The following GPD2 variants were observed in gnomAD, a reference collection of about 807,000 sequenced individuals.
GPD2 encodes glycerol-3-phosphate dehydrogenase, mitochondrial.
Under a neutral mutation model 82.4 loss-of-function variants are expected in GPD2, and 54 were observed. That is an observed-to-expected ratio of 0.66 (90% confidence interval 0.53 to 0.82). The LOEUF is 0.82. Among genes scored for constraint, GPD2 ranks in the 40% least tolerant of loss-of-function variants. The probability of loss-of-function intolerance (pLI) is 0.00; values close to 1 mark genes in which losing one functional copy is unlikely to be tolerated. For synonymous variants in GPD2, 288 were observed against 306.1 expected, an observed-to-expected ratio of 0.94 and a Z score of 0.62; for missense variants, 748 against 896.2, an observed-to-expected ratio of 0.83 and a Z score of 2.11.
intron 13 of GPD2, among the ~76,000 whole-genome samples, chr2:156,572,876 A>G (rs1470472433): frequency 6.6e-6 from 1 of 152,126 alleles, no homozygotes; most frequent in Non-Finnish European, 1.5e-5. Context: ...ACAAACATTT[A>G]TTTCTCATGG....
At chr2:156,518,991 A>G (rs2105283906) in intron 6 of GPD2, among the ~76,000 whole-genome samples, 1 of 152,332 alleles carries the variant, frequency 6.6e-6, no homozygotes, top group African/African-American at 2.4e-5. Flanking sequence ...TGTGAGCCTC[A>G]TGAGGTGCAC....
At chr2:156,408,973 G>A in the GPD2 span, among the ~76,000 whole-genome samples, 1 of 152,162 alleles carries the variant, frequency 6.6e-6, no homozygotes, top group Non-Finnish European at 1.5e-5. Flanking sequence ...TAATCCAATA[G>A]GACTGGTGTC....
intron 6 of GPD2, among the ~76,000 whole-genome samples, chr2:156,543,788 T>C (rs559388117): frequency 1.2e-4 from 19 of 152,306 alleles, no homozygotes; most frequent in African/African-American, 4.6e-4. Flanking sequence ...TTAGGACGAA[T>C]GTGAAGGAGT....
At chr2:156,559,057 G>A (rs1687072745) in intron 9 of GPD2, among the ~76,000 whole-genome samples, 1 of 151,936 alleles carries the variant, frequency 6.6e-6, no homozygotes, top group Non-Finnish European at 1.5e-5. Flanking sequence ...GAATCTTCGT[G>A]TCTAATTTAG....
chr2:156,412,388 G>A, the GPD2 span, among the ~76,000 whole-genome samples: 3 of 150,428 alleles, frequency 2.0e-5, no homozygotes, highest in East Asian at 3.9e-4. Context: ...GCAGTGAGCC[G>A]AGATCTTGCC....
chr2:156,407,078 G>A, the GPD2 span, among the ~76,000 whole-genome samples: 1 of 152,080 alleles, frequency 6.6e-6, no homozygotes, highest in African/African-American at 2.4e-5. Flanking sequence ...CAGGCATGGT[G>A]GCTCATGCCT....
intron 6 of GPD2, among the ~76,000 whole-genome samples, chr2:156,525,789 TA>T (rs1481984234): frequency 6.6e-6 from 1 of 152,220 alleles, no homozygotes; most frequent in Non-Finnish European, 1.5e-5. Flanking sequence ...ATTAGGAATT[TA>T]TTTTTTTAAA....
chr2:156,465,276 A>G (rs1346844958), intron 1 of GPD2, among the ~76,000 whole-genome samples: 1 of 152,088 alleles, frequency 6.6e-6, no homozygotes, highest in African/African-American at 2.4e-5. Flanking sequence ...TAATCTTAAG[A>G]CAGACATTTA....
chr2:156,409,960 C>A, the GPD2 span, among the ~76,000 whole-genome samples: 2 of 152,106 alleles, frequency 1.3e-5, no homozygotes, highest in East Asian at 3.9e-4. Context: ...GGCAGAGGAT[C>A]CCTTGAACCC....
At chr2:156,537,766 C>G (rs1686137329) in intron 6 of GPD2, among the ~76,000 whole-genome samples, 1 of 152,092 alleles carries the variant, frequency 6.6e-6, no homozygotes, top group Admixed American at 6.5e-5. Flanking sequence ...AATAGTTTAT[C>G]AGAAATGAGA....
chr2:156,446,087 T>C (rs1224228046), intron 1 of GPD2, among the ~76,000 whole-genome samples: 1 of 142,484 alleles, frequency 7.0e-6, no homozygotes, highest in African/African-American at 2.6e-5. Flanking sequence ...GAAGCATATC[T>C]ACTTTCTAAA....
chr2:156,471,355 G>C (rs558091292), intron 1 of GPD2, among the ~76,000 whole-genome samples: 1 of 152,106 alleles, frequency 6.6e-6, no homozygotes, highest in Non-Finnish European at 1.5e-5. Flanking sequence ...AAATCTACTT[G>C]AACAGTCTTT....
chr2:156,484,449 A>G (rs11681927), intron 2 of GPD2, among the ~76,000 whole-genome samples: 137,809 of 152,256 alleles, frequency 0.91, 63,632 homozygotes, highest in South Asian at 1. Context: ...TCTTTAAAAA[A>G]AACCTTAGGA....
At chr2:156,508,177 G>T (rs1472253456) in intron 3 of GPD2, among the ~76,000 whole-genome samples, 1 of 152,038 alleles carries the variant, frequency 6.6e-6, no homozygotes, top group Non-Finnish European at 1.5e-5. Flanking sequence ...ATCCCTCATA[G>T]TGGACAGTGC....
chr2:156,511,014 C>T, intron 4 of GPD2, 94 bp downstream of exon 4: 1 of 1,051,960 alleles, frequency 9.5e-7, no homozygotes, highest in Non-Finnish European at 1.5e-6. Flanking sequence ...GGCTTAAAAG[C>T]ATTTCTTCCT....
chr2:156,492,018 TAAA>T (rs200337320), intron 2 of GPD2, among the ~76,000 whole-genome samples: 8 of 133,820 alleles, frequency 6.0e-5, no homozygotes, highest in Admixed American at 7.6e-5. Flanking sequence ...AGACTCCATC[TAAA>T]AAAAAAAAAA....
chr2:156,495,194 C>T (rs1283846563), intron 2 of GPD2, among the ~76,000 whole-genome samples: 4 of 152,080 alleles, frequency 2.6e-5, no homozygotes, highest in East Asian at 3.9e-4. Flanking sequence ...TCAAAAAATA[C>T]GAAAATCAGC....
intron 3 of GPD2, among the ~76,000 whole-genome samples, chr2:156,505,690 G>A (rs570587133): frequency 1.3e-5 from 2 of 152,266 alleles, no homozygotes; most frequent in South Asian, 4.1e-4. Flanking sequence ...CAAATCCATA[G>A]TAAGGAGTAG....
chr2:156,461,642 A>G (rs913503401), intron 1 of GPD2, among the ~76,000 whole-genome samples: 1 of 152,194 alleles, frequency 6.6e-6, no homozygotes, highest in African/African-American at 2.4e-5. Context: ...GGCCTCCCCA[A>G]GTGCTGGGAT....
Sources: gnomAD v4.1 joint callset for allele counts (sites outside exome capture counted in the v4.1 genomes callset) on GRCh38, gnomAD v4.1.1 for gene constraint, MANE v1.5 for transcripts, NCBI Gene and HGNC (gene_info 2026-07-23, HGNC 2026-07-21) for gene names.